Variants in N4BP2L1 observed in about 807,000 individuals in gnomAD.
N4BP2L1 encodes the protein NEDD4 binding protein 2 like 1.
A neutral mutation model predicts 21.2 loss-of-function variants in N4BP2L1; 12 were observed. That is an observed-to-expected ratio of 0.57 (90% confidence interval 0.36 to 0.92). N4BP2L1 has a LOEUF of 0.92. Among genes scored for constraint, N4BP2L1 ranks in the 40% least tolerant of loss-of-function variants. N4BP2L1 has a pLI of 0.01. For missense variants in N4BP2L1, 259 were observed against 310.6 expected, an observed-to-expected ratio of 0.83 and a Z score of 1.25; for synonymous variants, 104 against 112.8, an observed-to-expected ratio of 0.92 and a Z score of 0.49.
At chr13:32,417,178 G>A (rs561939143) in intron 1 of N4BP2L1, among the ~76,000 whole-genome samples, 3 of 152,270 alleles carry the variant, frequency 2.0e-5, no homozygotes, top group South Asian at 2.1e-4. Context: ...TTTGTACAAT[G>A]AGAATTTTAC....
Position 32,402,083 on chromosome 13 carries a change from A to G in N4BP2L1, c.*859T>C, listed in dbSNP as rs1376405783. 15 of 985,452 alleles carry G rather than the reference A, an allele frequency of 1.5e-5. No homozygotes were observed. Among genetic ancestry groups the G allele is most frequent in the Non-Finnish European group, 1.8e-5 (15 of 829,920 alleles). The allele number at this position is 985,452 out of a possible 1,614,324, so 61.0% of individuals were successfully genotyped here. ...GGGTGCCTAATTTCTTGCACTCCCAAACATTTGAGCTGCCGACTAATTACA... is the reference window on the plus strand; with the variant it reads ...GGGTGCCTAATTTCTTGCACTCCCAGACATTTGAGCTGCCGACTAATTACA... On this transcript the variant is annotated 3_prime_UTR_variant, in exon 5 of 5. Coordinates refer to ENST00000380130, the MANE Select transcript of N4BP2L1 (RefSeq NM_052818.3).
At chr13:32,404,712 C>T (rs2137729123) in intron 3 of N4BP2L1, among the ~76,000 whole-genome samples, 1 of 151,682 alleles carries the variant, frequency 6.6e-6, no homozygotes. Flanking sequence ...TGAATGAACT[C>T]AGTGACGTCT....
intron 1 of N4BP2L1, among the ~76,000 whole-genome samples, chr13:32,427,653 G>A (rs527773602): frequency 1.8e-4 from 27 of 152,232 alleles, no homozygotes; most frequent in African/African-American, 5.1e-4. Context: ...CAAACAGGAC[G>A]AGCTCCCTCC....
intron 1 of N4BP2L1, 121 bp downstream of exon 1, chr13:32,427,782 CG>C: frequency 2.0e-6 from 1 of 495,358 alleles, no homozygotes; most frequent in East Asian, 6.2e-5. Context: ...GCCGGGGCCG[CG>C]GCAGGCACCC....
At chr13:32,403,437 T>G (rs533022103) in intron 4 of N4BP2L1, among the ~76,000 whole-genome samples, 6 of 152,290 alleles carry the variant, frequency 3.9e-5, no homozygotes, top group Non-Finnish European at 8.8e-5. Flanking sequence ...GCTTCAGAAA[T>G]GCTTTGTTTC....
intron 1 of N4BP2L1, among the ~76,000 whole-genome samples, chr13:32,427,084 G>T (rs2074808522): frequency 6.6e-6 from 1 of 152,206 alleles, no homozygotes; most frequent in Non-Finnish European, 1.5e-5. Context: ...GAGCGGTGGG[G>T]CCTAGCAAGG....
rs182213138 is a variant in N4BP2L1 at position 32,407,883 on chromosome 13, C to T, written c.180-111G>A. 3.5e-4 allele frequency: 453 copies of T among 1,277,082 alleles called. 10 individuals carry two copies. In the South Asian group the frequency reaches 5.2e-3, roughly 15 times the overall value. 79.1% of individuals were successfully genotyped at this position (1,277,082 alleles called of 1,614,324 possible). A position where few individuals can be genotyped will look rare whatever the true frequency, so the allele number is the denominator to read the frequency against. ...TAGCAGTTTATAATTCTGAGACCACCAGGTTTGGAGTTGTTAAAATGCAGT... is the reference window on the plus strand; with the variant it reads ...TAGCAGTTTATAATTCTGAGACCACTAGGTTTGGAGTTGTTAAAATGCAGT... On this transcript the variant is annotated intron_variant, in intron 1 of 4. Coordinates refer to ENST00000380130, the MANE Select transcript of N4BP2L1 (RefSeq NM_052818.3).
rs1423373157 is a variant in N4BP2L1, at chr13:32,427,970, T to G, written c.113A>C (p.His38Pro). 1 of 1,548,948 alleles carries G rather than the reference T, an allele frequency of 6.5e-7. No individual in the cohort carries two copies. The highest frequency in any genetic ancestry group is 8.7e-7 in the Non-Finnish European group (1 of 1,148,388). The change falls in exon 1 of 5, where the codon CAC becomes CCC. Residue 38 changes from histidine (H) to proline (P), a missense_variant. Coordinates refer to ENST00000380130, the MANE Select transcript of N4BP2L1 (RefSeq NM_052818.3). The stretch of plus-strand genomic sequence containing the variant: ...GAGGTAGAGGTGTTTCCTAAAGCTG[T>G]GGCGGCGAGGAGGTGTCCCCCGCGG... ...PPPRGTPPRR[H>P]SFRKHLYLLR...
chr13:32,405,371 G>T (rs895816255), intron 3 of N4BP2L1, among the ~76,000 whole-genome samples: 13 of 152,066 alleles, frequency 8.5e-5, no homozygotes, highest in African/African-American at 3.1e-4. Context: ...CTAGCCAGGC[G>T]TGGTGGTACA....
Position 32,402,453 on chromosome 13 carries a change from C to T in N4BP2L1, c.*489G>A, listed in dbSNP as rs975399899. 1.7e-5 allele frequency: 16 copies of T among 967,140 alleles called. No homozygotes were observed. The highest frequency in any genetic ancestry group is 1.2e-4 in the East Asian group (1 of 8,654). 59.9% of individuals were successfully genotyped at this position (967,140 alleles called of 1,614,324 possible). A position where few individuals can be genotyped will look rare whatever the true frequency, so the allele number is the denominator to read the frequency against. ...AAAGGAAAATCAGTATCATAAGAGT[C>T]GCACATCTCACATTTTTAGATACAT... On this transcript the variant is annotated 3_prime_UTR_variant, in exon 5 of 5. Transcript: ENST00000380130.
At position 32,401,857 on chromosome 13, in the gene N4BP2L1, CTG is replaced by C; in HGVS notation, c.*1083_*1084del. ...CAACAAGAAATAGAGCATACGTCCT[CTG>C]TGGTCTTGTCTATCATGATCTCACA... On this transcript the variant is annotated 3_prime_UTR_variant, in exon 5 of 5. Coordinates refer to ENST00000380130, the MANE Select transcript of N4BP2L1 (RefSeq NM_052818.3). The C allele has an allele frequency of 1.1e-6, 1 of 897,186 alleles. No individual in the cohort carries two copies. The highest frequency in any genetic ancestry group is 1.3e-6 in the Non-Finnish European group (1 of 748,936). 55.6% of individuals were successfully genotyped at this position (897,186 alleles called of 1,614,324 possible).
In N4BP2L1 at chr13:32,402,623, A is replaced by G; in HGVS notation, c.*319T>C. The stretch of plus-strand genomic sequence containing the variant: ...GAGCAAATGGTACTGAAGCTTATAT[A>G]TAATATAAACACTTTATTTCATCTA... On this transcript the variant is annotated 3_prime_UTR_variant, in exon 5 of 5. Coordinates refer to ENST00000380130, the MANE Select transcript of N4BP2L1 (RefSeq NM_052818.3). 13 of 1,047,006 alleles carry G rather than the reference A, an allele frequency of 1.2e-5. No individual in the cohort carries two copies. Among genetic ancestry groups the G allele is most frequent in the Non-Finnish European group, 1.3e-5 (11 of 867,514 alleles). The allele number at this position is 1,047,006 out of a possible 1,614,324, so 64.9% of individuals were successfully genotyped here.
chr13:32,428,191 G>A, upstream of N4BP2L1: 2 of 1,162,910 alleles, frequency 1.7e-6, no homozygotes, highest in Non-Finnish European at 2.3e-6. Flanking sequence ...ATAGAGGGGC[G>A]GGCGCTGGGA....
At chr13:32,403,318 C>A in intron 4 of N4BP2L1, 118 bp from the exon 5 acceptor site, 1 of 1,033,242 alleles carries the variant, frequency 9.7e-7, no homozygotes, top group Non-Finnish European at 1.4e-6. Context: ...CTAGCTCTGG[C>A]AAAAGCATAA....
At chr13:32,420,569 A>C (rs1222019765) in intron 1 of N4BP2L1, 9 of 152,146 alleles carry the variant, frequency 5.9e-5, no homozygotes, top group Non-Finnish European at 2.9e-5. Context: ...CACATCAAAC[A>C]TTTTCACCTG....
At chr13:32,417,042 C>T (rs1248933218) in intron 1 of N4BP2L1, among the ~76,000 whole-genome samples, 1 of 152,178 alleles carries the variant, frequency 6.6e-6, no homozygotes, top group East Asian at 1.9e-4. Context: ...GTCTCGAACT[C>T]CTGACCTCAT....
chr13:32,411,324 ATTT>A (rs3072043), intron 1 of N4BP2L1, among the ~76,000 whole-genome samples: 81,388 of 140,812 alleles, frequency 0.58, 23,410 homozygotes, highest in Non-Finnish European at 0.64. Context: ...AAGGCCAAGG[ATTT>A]TTTTTTTTTT....
In N4BP2L1 at chr13:32,402,711, GAGAA is replaced by G. The variant is rs921185717; in HGVS notation, c.*227_*230del. Reference sequence around the variant, plus strand: ...GTTTTGGTTTCAAATTCTTACCCTAGAGAAAGAGACTGTTTACTCAAATCTGCAG... The same window carrying G: ...GTTTTGGTTTCAAATTCTTACCCTAGAGAGACTGTTTACTCAAATCTGCAG... On this transcript the variant is annotated 3_prime_UTR_variant, in exon 5 of 5. Transcript: ENST00000380130. 7.7e-7 allele frequency: 1 copy of G among 1,300,906 alleles called. No individual in the cohort carries two copies. Among genetic ancestry groups the G allele is most frequent in the Non-Finnish European group, 9.7e-7 (1 of 1,027,230 alleles). The allele number at this position is 1,300,906 out of a possible 1,614,324, so 80.6% of individuals were successfully genotyped here.
At chr13:32,408,875 C>A (rs2073684381) in intron 1 of N4BP2L1, among the ~76,000 whole-genome samples, 1 of 152,190 alleles carries the variant, frequency 6.6e-6, no homozygotes, top group Non-Finnish European at 1.5e-5. Context: ...AAACATGAGG[C>A]CTTGGGGCCA....
Sources: gnomAD v4.1 joint callset for allele counts (sites outside exome capture counted in the v4.1 genomes callset) on GRCh38, gnomAD v4.1.1 for gene constraint, MANE v1.5 for transcripts, NCBI Gene and HGNC (gene_info 2026-07-23, HGNC 2026-07-21) for gene names.